The following SIL1 variants were observed in gnomAD, a reference collection of about 807,000 sequenced individuals.
SIL1 encodes the protein SIL1 nucleotide exchange factor.
In SIL1, 40 loss-of-function variants were observed where a neutral mutation model predicts 49.1. That is an observed-to-expected ratio of 0.81 (90% CI 0.63 to 1.06). The LOEUF is 1.06. SIL1 is among the 50% of genes least tolerant of loss of function. The pLI is 0.00. For synonymous variants in SIL1, 253 were observed against 250.8 expected, an observed-to-expected ratio of 1.01 and a Z score of -0.08; for missense variants, 500 against 572.6, an observed-to-expected ratio of 0.87 and a Z score of 1.29.
intron 1 of SIL1, among the ~76,000 whole-genome samples, chr5:139,149,749 A>G (rs1751261307): frequency 6.6e-6 from 1 of 152,216 alleles, no homozygotes; most frequent in Non-Finnish European, 1.5e-5. Flanking sequence ...CATCCTAGGC[A>G]GGACAAGAGT....
At chr5:139,053,683 C>G (rs1769341120) in intron 3 of SIL1, among the ~76,000 whole-genome samples, 1 of 152,168 alleles carries the variant, frequency 6.6e-6, no homozygotes. Context: ...ACCATGCTAC[C>G]TCCTACCAGG....
At chr5:139,152,146 A>G (rs943598472) in intron 1 of SIL1, among the ~76,000 whole-genome samples, 3 of 152,196 alleles carry the variant, frequency 2.0e-5, no homozygotes, top group Non-Finnish European at 2.9e-5. Context: ...CCGTGCGTCT[A>G]AGATCAAACA....
At chr5:139,128,072 C>T (rs1750790324) in intron 1 of SIL1, 2 of 567,910 alleles carry the variant, frequency 3.5e-6, no homozygotes, top group Non-Finnish European at 3.3e-6. Flanking sequence ...ACCATACAGT[C>T]GATCAGGACT....
chr5:139,123,830 A>G (rs532139872), intron 2 of SIL1, among the ~76,000 whole-genome samples: 2 of 152,352 alleles, frequency 1.3e-5, no homozygotes, highest in South Asian at 2.1e-4. Context: ...ACAGAAATCC[A>G]GATTTTTATG....
intron 3 of SIL1, among the ~76,000 whole-genome samples, chr5:139,105,382 C>T (rs1022760367): frequency 6.6e-6 from 1 of 152,138 alleles, no homozygotes; most frequent in African/African-American, 2.4e-5. Flanking sequence ...ACTGTATCAT[C>T]GCAGTGTTGA....
At chr5:139,180,755 C>T (rs894070321) in intron 1 of SIL1, among the ~76,000 whole-genome samples, 1 of 152,166 alleles carries the variant, frequency 6.6e-6, no homozygotes, top group Admixed American at 6.5e-5. Context: ...TTCCCAGAAC[C>T]CACAGCTCTG....
At chr5:138,989,985 A>C (rs1384585839) in intron 7 of SIL1, among the ~76,000 whole-genome samples, 1 of 152,170 alleles carries the variant, frequency 6.6e-6, no homozygotes, top group Non-Finnish European at 1.5e-5. Context: ...GCCACTGATC[A>C]CTGTCCATGG....
intron 3 of SIL1, among the ~76,000 whole-genome samples, chr5:139,067,242 C>A (rs1032409504): frequency 6.6e-6 from 1 of 152,258 alleles, no homozygotes; most frequent in South Asian, 2.1e-4. Flanking sequence ...CAGCATCACT[C>A]CTCAACCCAC....
At chr5:138,999,949 C>T (rs1328977692) in intron 7 of SIL1, among the ~76,000 whole-genome samples, 1 of 152,154 alleles carries the variant, frequency 6.6e-6, no homozygotes, top group African/African-American at 2.4e-5. Flanking sequence ...ATTTGGATGG[C>T]CTTTATGTTT....
At chr5:139,000,182 T>TA (rs1278859300) in intron 7 of SIL1, among the ~76,000 whole-genome samples, 17 of 152,246 alleles carry the variant, frequency 1.1e-4, no homozygotes, top group African/African-American at 4.1e-4. Flanking sequence ...AAAGGGATGT[T>TA]AAATTTCATT....
intron 3 of SIL1, among the ~76,000 whole-genome samples, chr5:139,095,265 C>CT (rs1172866470): frequency 0.034 from 4,449 of 131,794 alleles, 213 homozygotes; most frequent in African/African-American, 0.1. Flanking sequence ...TATTGGAATT[C>CT]TTTTTTTTTT....
intron 1 of SIL1, among the ~76,000 whole-genome samples, chr5:139,186,926 T>G (rs1236795680): frequency 6.6e-6 from 1 of 152,206 alleles, no homozygotes; most frequent in Non-Finnish European, 1.5e-5. Flanking sequence ...GTGAACTCAC[T>G]GTGGCTGGGA....
chr5:139,102,500 AAG>A lies in SIL1; in HGVS notation c.244+18533_244+18534del, dbSNP rs769397584. On this transcript the variant is annotated intron_variant, in intron 3 of 9. Coordinates refer to ENST00000394817, the MANE Select transcript of SIL1 (RefSeq NM_022464.5). ...GTCAGCAGGCAAAAAAAAAAAAAAA[AAG>A]AGAGAGAGAGAGAGAGAAAGTCATT... is the stretch of plus-strand genomic sequence containing the variant. 3.8e-4 allele frequency among the ~76,000 whole-genome samples: 22 copies of A among 57,924 alleles called. No homozygotes were observed. In the South Asian group the frequency reaches 4.4e-3, roughly 12 times the overall value. 38.0% of individuals were successfully genotyped at this position (57,924 alleles called of 152,430 possible).
At chr5:139,005,192 A>G (rs1263348683) in intron 7 of SIL1, among the ~76,000 whole-genome samples, 1 of 152,188 alleles carries the variant, frequency 6.6e-6, no homozygotes, top group African/African-American at 2.4e-5. Context: ...GAATGTATAT[A>G]TATTTTGAAA....
At chr5:139,086,395 G>A (rs975144107) in intron 3 of SIL1, among the ~76,000 whole-genome samples, 5 of 150,722 alleles carry the variant, frequency 3.3e-5, no homozygotes, top group Admixed American at 1.3e-4. Flanking sequence ...ACGGAGTTTT[G>A]CTCTTATTGC....
In SIL1 at chr5:139,042,835, C is replaced by A. The variant is rs1443934856; in HGVS notation, c.354-116G>T. On this transcript the variant is annotated intron_variant, in intron 4 of 9. Coordinates refer to ENST00000394817, the MANE Select transcript of SIL1 (RefSeq NM_022464.5). ...GAAGGATACCAAGATCCCATCTCTA[C>A]AAAAAATTTAAAAATATTAGTTAGG... 5.3e-6 allele frequency: 5 copies of A among 941,112 alleles called. No homozygotes were observed. In the Admixed American group the frequency reaches 5.4e-5, roughly 10 times the overall value. The allele number at this position is 941,112 out of a possible 1,614,324, so 58.3% of individuals were successfully genotyped here. A position where few individuals can be genotyped will look rare whatever the true frequency, so the allele number is the denominator to read the frequency against.
intron 1 of SIL1, among the ~76,000 whole-genome samples, chr5:139,173,790 CAAAAAAA>C (rs70982756): frequency 1.0e-4 from 11 of 106,372 alleles, no homozygotes; most frequent in East Asian, 3.4e-4. Context: ...ACTAAAAATA[CAAAAAAA>C]AAAAAAAAAA....
chr5:139,109,714 A>G (rs1042216889), intron 3 of SIL1, among the ~76,000 whole-genome samples: 9 of 147,328 alleles, frequency 6.1e-5, no homozygotes, highest in Non-Finnish European at 1.2e-4. Context: ...AAAAAAAAAA[A>G]GCAGTTTTCT....
At chr5:139,171,707 TAAAAAG>T (rs1305924482) in intron 1 of SIL1, among the ~76,000 whole-genome samples, 1 of 106,096 alleles carries the variant, frequency 9.4e-6, no homozygotes, top group East Asian at 2.6e-4. Flanking sequence ...TAAAAAAAAA[TAAAAAG>T]AAAAAAAATA....
Sources: gnomAD v4.1 joint callset for allele counts (sites outside exome capture counted in the v4.1 genomes callset) on GRCh38, gnomAD v4.1.1 for gene constraint, MANE v1.5 for transcripts, NCBI Gene and HGNC (gene_info 2026-07-23, HGNC 2026-07-21) for gene names.